Variants in VPS35L observed in about 807,000 individuals in gnomAD.
VPS35L encodes the protein VPS35 endosomal protein sorting factor like, also known as VPS35 endosomal protein-sorting factor-like.
Under a neutral mutation model 133.0 loss-of-function variants are expected in VPS35L, and 83 were observed. That is an observed-to-expected ratio of 0.62 (90% confidence interval 0.52 to 0.75). The LOEUF (loss-of-function observed/expected upper bound fraction) is 0.75. Ranked by LOEUF, VPS35L falls within the 30% of genes least tolerant of loss-of-function variation. VPS35L has a pLI of 0.00. For synonymous variants in VPS35L, 423 were observed against 449.9 expected (o/e 0.94, Z 0.76); for missense variants, 1,083 against 1,206.8 (o/e 0.90, Z 1.52).
At chr16:19,590,309 G>C (rs12325023) in intron 7 of VPS35L, among the ~76,000 whole-genome samples, 14 of 151,902 alleles carry the variant, frequency 9.2e-5, no homozygotes, top group Non-Finnish European at 1.6e-4. Context: ...CCTATCTCTT[G>C]ACATGGTGAA....
intron 27 of VPS35L, among the ~76,000 whole-genome samples, chr16:19,673,836 A>G (rs1974958309): frequency 6.6e-6 from 1 of 152,102 alleles, no homozygotes; most frequent in South Asian, 2.1e-4. Flanking sequence ...GGCCCTTGCA[A>G]TGTGCCTGAG....
At chr16:19,615,047 A>G (rs1053179624) in intron 12 of VPS35L, among the ~76,000 whole-genome samples, 4 of 152,246 alleles carry the variant, frequency 2.6e-5, no homozygotes, top group Non-Finnish European at 5.9e-5. Flanking sequence ...GAATTTGTAT[A>G]GCTTTTAACT....
intron 8 of VPS35L, among the ~76,000 whole-genome samples, chr16:19,596,489 G>T (rs1972220318): frequency 6.6e-6 from 1 of 150,970 alleles, no homozygotes; most frequent in African/African-American, 2.4e-5. Context: ...GGCCCAAGCT[G>T]GTCTCAAACT....
At chr16:19,564,058 T>C (rs1339099631) in intron 1 of VPS35L, among the ~76,000 whole-genome samples, 1 of 152,182 alleles carries the variant, frequency 6.6e-6, no homozygotes, top group Non-Finnish European at 1.5e-5. Context: ...TCCAGTATGC[T>C]GGCAGCTGTT....
chr16:19,586,058 C>G (rs369614162), intron 7 of VPS35L, among the ~76,000 whole-genome samples: 1 of 151,932 alleles, frequency 6.6e-6, no homozygotes. Flanking sequence ...CTGCCACACC[C>G]GGCTAATTTT....
intron 22 of VPS35L, among the ~76,000 whole-genome samples, chr16:19,644,374 C>A (rs1973874745): frequency 6.6e-6 from 1 of 152,082 alleles, no homozygotes; most frequent in Non-Finnish European, 1.5e-5. Context: ...CTGGAAAATT[C>A]TTTCAACTTT....
chr16:19,596,584 G>A (rs9928450), intron 8 of VPS35L, among the ~76,000 whole-genome samples: 3,858 of 151,874 alleles, frequency 0.025, 171 homozygotes, highest in African/African-American at 0.089. Context: ...CTAAATGCAT[G>A]TACATTTAAC....
chr16:19,629,781 T>C lies in VPS35L; in HGVS notation c.1515T>C (p.Cys505=). 6.2e-7 allele frequency: 1 copy of C among 1,613,928 alleles called. No homozygotes were observed. The highest frequency in any genetic ancestry group is 8.5e-7 in the Non-Finnish European group (1 of 1,179,782). ...TCTCTTTGTAGGACTACATTAATTG[T>C]GCCGAAGTGTGGGTGGAATACACCT... The part of the protein sequence containing the change: ...KLKNPQDYIN[C]AEVWVEYTCK... Residue 505 remains cysteine (C), a synonymous_variant, in exon 18 of 31, where the codon TGT becomes TGC. Transcript: ENST00000417362.
chr16:19,656,670 C>T (rs1974312667), intron 26 of VPS35L, among the ~76,000 whole-genome samples: 1 of 151,822 alleles, frequency 6.6e-6, no homozygotes, highest in Non-Finnish European at 1.5e-5. Context: ...GAGCACTTGG[C>T]CCACCGGCAC....
chr16:19,566,454 C>T (rs569797728), intron 2 of VPS35L, among the ~76,000 whole-genome samples: 1 of 152,240 alleles, frequency 6.6e-6, no homozygotes, highest in East Asian at 1.9e-4. Flanking sequence ...TAAGATCACG[C>T]CACTGCCCTC....
At position 19,633,269 on chromosome 16, in the gene VPS35L, A is replaced by G. The variant is rs1973515717; in HGVS notation, c.1635+97A>G. On this transcript the variant is annotated intron_variant, in intron 19 of 30. Coordinates refer to ENST00000417362, the MANE Select transcript of VPS35L (RefSeq NM_020314.7). This position sits in a 1 kb window ranked among gnomAD's most constrained non-coding sequence, Gnocchi z 4.1. Reference sequence around the variant, plus strand: ...ATGGGTCAGGCTATAAAGGCACATAATCCTGTGTTTGAATCATAGCTCTGC... The same window carrying G: ...ATGGGTCAGGCTATAAAGGCACATAGTCCTGTGTTTGAATCATAGCTCTGC... 9.0e-7 allele frequency: 1 copy of G among 1,108,302 alleles called. No homozygotes were observed. Among genetic ancestry groups the G allele is most frequent in the Non-Finnish European group, 1.4e-6 (1 of 730,810 alleles). 68.7% of individuals were successfully genotyped at this position (1,108,302 alleles called of 1,614,324 possible).
intron 8 of VPS35L, among the ~76,000 whole-genome samples, chr16:19,596,581 C>T (rs9928307): frequency 0.025 from 3,857 of 151,804 alleles, 171 homozygotes; most frequent in African/African-American, 0.089. Flanking sequence ...GGCCTAAATG[C>T]ATGTACATTT....
chr16:19,674,502 G>A (rs1974994858), intron 27 of VPS35L, among the ~76,000 whole-genome samples: 1 of 152,094 alleles, frequency 6.6e-6, no homozygotes, highest in African/African-American at 2.4e-5. Context: ...GCCTCTGCGT[G>A]CAGCCTACTC....
At chr16:19,592,101 G>T (rs1215279649) in intron 8 of VPS35L, among the ~76,000 whole-genome samples, 1 of 151,154 alleles carries the variant, frequency 6.6e-6, no homozygotes, top group Non-Finnish European at 1.5e-5. Flanking sequence ...TTGAGTCAGG[G>T]TCTTGCTCTG....
rs1377879697 is a variant in VPS35L at position 19,640,049 on chromosome 16, AAG to A, written c.1738_1739del (p.Ser580CysfsTer39). The stretch of plus-strand genomic sequence containing the variant: ...CTGCCGTTTCTGGACATGTTCCAAA[AAG>A]AGAGTGTGCGGGTGGAGGTTTGCAA... On this transcript the variant is annotated frameshift_variant, in exon 21 of 31. Transcript: ENST00000417362. LOFTEE classifies it high-confidence loss of function. 6 of 1,614,082 alleles carry A rather than the reference AAG, an allele frequency of 3.7e-6. No individual in the cohort carries two copies. Among genetic ancestry groups the A allele is most frequent in the Non-Finnish European group, 5.1e-6 (6 of 1,180,032 alleles).
intron 3 of VPS35L, among the ~76,000 whole-genome samples, chr16:19,570,835 ATATATATATATATATATATATAT>A (rs1971342616): frequency 1.0e-3 from 1 of 970 alleles, no homozygotes. Context: ...GCTGTGTTTC[ATATATATATATATATATATATAT>A]ATATATATAT....
chr16:19,654,778 G>A (rs749101292), intron 26 of VPS35L, among the ~76,000 whole-genome samples: 1 of 152,146 alleles, frequency 6.6e-6, no homozygotes, highest in Non-Finnish European at 1.5e-5. Flanking sequence ...AACAAATTGT[G>A]AGCTGCAGAT....
chr16:19,624,460 C>T (rs1238027476), intron 14 of VPS35L, among the ~76,000 whole-genome samples: 2 of 151,914 alleles, frequency 1.3e-5, no homozygotes, highest in African/African-American at 4.8e-5. Flanking sequence ...TGGCACACAC[C>T]TATAGTCCCA....
At chr16:19,578,977 A>G in intron 5 of VPS35L, 75 bp from the exon 6 acceptor site, 1 of 1,150,770 alleles carries the variant, frequency 8.7e-7, no homozygotes, top group Non-Finnish European at 1.3e-6. Context: ...TGAAGTGTAG[A>G]GTGAAAGATG....
Sources: gnomAD v4.1 joint callset for allele counts (sites outside exome capture counted in the v4.1 genomes callset) on GRCh38, gnomAD v4.1.1 for gene constraint, Gnocchi (gnomAD v3.1) non-coding constraint, MANE v1.5 for transcripts, NCBI Gene and HGNC (gene_info 2026-07-23, HGNC 2026-07-21) for gene names.